Variants in FYB1 observed in about 807,000 individuals in gnomAD.
FYB1 encodes the protein FYN binding protein 1, also known as FYN-binding protein 1.
A neutral mutation model predicts 94.1 loss-of-function variants in FYB1; 41 were observed. The observed-to-expected ratio is 0.44, with a 90% CI of 0.34 to 0.57. The LOEUF (loss-of-function observed/expected upper bound fraction) is 0.57, where lower values mean the gene tolerates loss of function less well. Ranked by LOEUF, FYB1 falls within the 20% of genes least tolerant of loss-of-function variation. FYB1 has a pLI of 0.02. For synonymous variants in FYB1, 367 were observed against 353.2 expected (o/e 1.04, Z -0.44); for missense variants, 1,050 against 976.8 (o/e 1.07, Z -1.00).
intron 7 of FYB1, among the ~76,000 whole-genome samples, chr5:39,136,356 A>G (rs1477725292): frequency 2.0e-5 from 3 of 152,140 alleles, no homozygotes; most frequent in African/African-American, 7.2e-5. Flanking sequence ...GGCCTGAGCC[A>G]CCACGCCTGG....
At chr5:39,159,213 A>C (rs906460977) in intron 2 of FYB1, among the ~76,000 whole-genome samples, 3 of 152,210 alleles carry the variant, frequency 2.0e-5, no homozygotes, top group Admixed American at 6.5e-5. Context: ...TTGTTTGAGA[A>C]TTATTAAGCA....
chr5:39,108,926 T>A (rs1738799763), intron 17 of FYB1, among the ~76,000 whole-genome samples: 2 of 152,110 alleles, frequency 1.3e-5, no homozygotes, highest in Admixed American at 1.3e-4. Context: ...ACATACTGAA[T>A]CCCTTCTATG....
chr5:39,165,788 A>T (rs1744674071), intron 2 of FYB1, among the ~76,000 whole-genome samples: 1 of 152,210 alleles, frequency 6.6e-6, no homozygotes, highest in South Asian at 2.1e-4. Flanking sequence ...CAACCCCCAA[A>T]ATAATTTCAT....
chr5:39,107,490 AAT>A, intron 18 of FYB1, 25 bp from the exon 19 acceptor site: 1 of 1,469,504 alleles, frequency 6.8e-7, no homozygotes, highest in East Asian at 2.6e-5. Flanking sequence ...TACAAATTTA[AAT>A]ATAGTTATTA....
chr5:39,108,340 A>G, intron 17 of FYB1, 78 bp from the exon 18 acceptor site: 4 of 1,258,730 alleles, frequency 3.2e-6, no homozygotes, highest in Non-Finnish European at 4.4e-6. Context: ...AGAATAGAGT[A>G]ACAGTATAAT....
At position 39,130,473 on chromosome 5, in the gene FYB1, C is replaced by T. The variant is rs79151657; in HGVS notation, c.1840+117G>A. 8.6e-4 allele frequency: 678 copies of T among 789,326 alleles called. 4 individuals are homozygous for T. The African/African-American group carries it at 0.011, about 12-fold the overall frequency. The allele number at this position is 789,326 out of a possible 1,614,324, so 48.9% of individuals were successfully genotyped here. On this transcript the variant is annotated intron_variant, in intron 10 of 18. Transcript: ENST00000512982. ...CTCATGATGATGGATAGCCTAAATACGCTGACTTGAACAATACACATTCTA... is the reference window on the plus strand; with the variant it reads ...CTCATGATGATGGATAGCCTAAATATGCTGACTTGAACAATACACATTCTA...
At chr5:39,195,644 A>G (rs544747076) in intron 2 of FYB1, among the ~76,000 whole-genome samples, 2 of 152,350 alleles carry the variant, frequency 1.3e-5, no homozygotes, top group East Asian at 3.9e-4. Context: ...TATAGCTAAC[A>G]TATGGAAAAA....
At position 39,153,540 on chromosome 5, in the gene FYB1, C is replaced by T. The variant is rs536171425; in HGVS notation, c.1200G>A (p.Pro400=). The T allele has an allele frequency of 2.3e-5, 37 of 1,613,646 alleles. No individual in the cohort carries two copies. The highest frequency in any genetic ancestry group is 8.9e-5 in the East Asian group (4 of 44,858). Residue 400 remains proline (P), a synonymous_variant, in exon 3 of 19, where the codon CCG becomes CCA. Coordinates refer to ENST00000512982, the MANE Select transcript of FYB1 (RefSeq NM_001465.6). The stretch of plus-strand genomic sequence containing the variant: ...ATGCTGGCAATGGTGGTTGGCTGGC[C>T]GGATGGGATGGTGGAGGTGGTGGCA... ...TSLPPPPPSH[P]ASQPPLPASH... is the part of the protein sequence containing the mutation.
rs1561155730 is a variant in FYB1, at chr5:39,135,024, G to A, written c.1516-10C>T. On this transcript the variant is annotated splice_polypyrimidine_tract_variant and intron_variant, in intron 7 of 18. Coordinates refer to ENST00000512982, the MANE Select transcript of FYB1 (RefSeq NM_001465.6). ...GAATAGGGCCTGTTAGCTGCAAAGA[G>A]AAAAAAATAGTCACAAAAGATTTCC... is the stretch of plus-strand genomic sequence containing the variant. The A allele has an allele frequency of 1.9e-6, 3 of 1,603,738 alleles. No individual in the cohort carries two copies. The highest frequency in any genetic ancestry group is 3.5e-5 in the Admixed American group (2 of 57,570).
intron 1 of FYB1, among the ~76,000 whole-genome samples, chr5:39,237,291 T>C (rs1458269197): frequency 6.6e-6 from 1 of 152,110 alleles, no homozygotes; most frequent in Non-Finnish European, 1.5e-5. Flanking sequence ...AAGTATGAGA[T>C]GACCGGCTTG....
At chr5:39,225,276 A>G (rs956985873) in intron 1 of FYB1, among the ~76,000 whole-genome samples, 4 of 152,206 alleles carry the variant, frequency 2.6e-5, no homozygotes, top group Non-Finnish European at 5.9e-5. Context: ...ACAACATTTT[A>G]ATTGACAGAG....
At chr5:39,196,899 A>C (rs907726228) in intron 2 of FYB1, among the ~76,000 whole-genome samples, 1 of 152,248 alleles carries the variant, frequency 6.6e-6, no homozygotes, top group African/African-American at 2.4e-5. Context: ...TAGAATTCCT[A>C]TTCATGGCTT....
chr5:39,118,319 T>C lies in FYB1; in HGVS notation c.2401+555A>G, dbSNP rs573974309. ...CAAATAGGAAATGAAAACAAGTGAA[T>C]TTGTAAGGTAAGAAAACTGGAAATT... is the stretch of plus-strand genomic sequence containing the variant. On this transcript the variant is annotated intron_variant, in intron 16 of 18. Coordinates refer to ENST00000512982, the MANE Select transcript of FYB1 (RefSeq NM_001465.6). Among the ~76,000 whole-genome samples, 98 of 152,290 alleles carry C rather than the reference T, an allele frequency of 6.4e-4. 4 individuals carry two copies. In the Middle Eastern group the frequency reaches 0.014, roughly 21 times the overall value.
intron 2 of FYB1, among the ~76,000 whole-genome samples, chr5:39,161,523 T>G (rs1360058104): frequency 5.9e-5 from 9 of 152,100 alleles, no homozygotes; most frequent in Admixed American, 5.9e-4. Flanking sequence ...TACATTATTC[T>G]GTACTTTGCT....
At chr5:39,128,893 C>T (rs952710548) in intron 10 of FYB1, among the ~76,000 whole-genome samples, 2 of 151,996 alleles carry the variant, frequency 1.3e-5, no homozygotes, top group African/African-American at 4.8e-5. Context: ...GCTAAAAGGA[C>T]CATATTACCC....
chr5:39,223,058 C>A (rs943290855), upstream of FYB1, among the ~76,000 whole-genome samples: 4 of 152,034 alleles, frequency 2.6e-5, no homozygotes, highest in Admixed American at 2.6e-4. Flanking sequence ...CACCATGGCA[C>A]ACGTTAACCT....
intron 1 of FYB1, among the ~76,000 whole-genome samples, chr5:39,225,586 C>A (rs1750437636): frequency 6.6e-6 from 1 of 152,068 alleles, no homozygotes; most frequent in Admixed American, 6.5e-5. Flanking sequence ...GTTTTTTATT[C>A]AAATAAACTG....
intron 3 of FYB1, among the ~76,000 whole-genome samples, chr5:39,151,907 G>A (rs528324084): frequency 6.6e-6 from 1 of 152,236 alleles, no homozygotes; most frequent in East Asian, 1.9e-4. Context: ...CCCATACATT[G>A]CCCCTTCATG....
At chr5:39,254,686 G>C (rs1751858931) in intron 1 of FYB1, among the ~76,000 whole-genome samples, 1 of 152,112 alleles carries the variant, frequency 6.6e-6, no homozygotes, top group Non-Finnish European at 1.5e-5. Flanking sequence ...TTGGCAACTT[G>C]AGGCATGCAA....
Sources: allele counts gnomAD v4.1 joint callset (sites outside exome capture counted in the v4.1 genomes callset), GRCh38; gene constraint gnomAD v4.1.1; transcripts MANE v1.5; gene names NCBI Gene and HGNC (gene_info 2026-07-23, HGNC 2026-07-21).